Variants in NFATC3 observed in about 807,000 individuals in gnomAD.
NFATC3 encodes the protein nuclear factor of activated T cells 3.
Under a neutral mutation model 98.6 loss-of-function variants are expected in NFATC3, and 46 were observed. The ratio of observed to expected loss-of-function variants is 0.47; its 90% confidence interval spans 0.37 to 0.60. The LOEUF is 0.60. NFATC3 is among the 20% of genes least tolerant of loss of function. The pLI, the probability that NFATC3 is intolerant of heterozygous loss-of-function variation, is 0.00. For missense variants in NFATC3, 1,256 were observed against 1,295.5 expected, an observed-to-expected ratio of 0.97 and a Z score of 0.47; for synonymous variants, 512 against 472.2, an observed-to-expected ratio of 1.08 and a Z score of -1.09.
In NFATC3 at chr16:68,085,520, G is replaced by C; in HGVS notation, c.-162G>C. On this transcript the variant is annotated 5_prime_UTR_variant, in exon 1 of 10. Coordinates refer to ENST00000346183, the MANE Select transcript of NFATC3 (RefSeq NM_173165.3). ...CGGCGCGCGGCCAGCTTTCGGAACG[G>C]AACGCTCGGCGTCGCGGGCCCCGCC... 1.7e-6 allele frequency: 1 copy of C among 582,180 alleles called. No individual in the cohort carries two copies. 36.1% of individuals were successfully genotyped at this position (582,180 alleles called of 1,614,324 possible).
intron 9 of NFATC3, among the ~76,000 whole-genome samples, chr16:68,219,300 T>C (rs976559232): frequency 2.6e-5 from 4 of 152,032 alleles, no homozygotes; most frequent in Admixed American, 2.6e-4. Flanking sequence ...GGAGAATTGC[T>C]TGAACCCGGG....
chr16:68,225,594 A>T (rs1282858362), intron 9 of NFATC3: 1 of 152,220 alleles, frequency 6.6e-6, no homozygotes, highest in Non-Finnish European at 1.5e-5. Flanking sequence ...GCTATTATTA[A>T]TAATGCTGCT....
intron 9 of NFATC3, among the ~76,000 whole-genome samples, chr16:68,207,956 T>C (rs572253406): frequency 6.6e-6 from 1 of 152,340 alleles, no homozygotes; most frequent in Non-Finnish European, 1.5e-5. Context: ...CATTTCCCTA[T>C]TGACTAATGG....
intron 5 of NFATC3, among the ~76,000 whole-genome samples, chr16:68,167,616 T>G (rs2039255620): frequency 1.3e-5 from 2 of 152,044 alleles, no homozygotes; most frequent in Admixed American, 6.6e-5. Context: ...AGACTAATAC[T>G]TGATCTTTAG....
intron 8 of NFATC3, among the ~76,000 whole-genome samples, chr16:68,186,429 G>C (rs905333902): frequency 6.6e-6 from 1 of 151,868 alleles, no homozygotes; most frequent in Non-Finnish European, 1.5e-5. Context: ...AGTCCCAGCT[G>C]CTGGGGAGGC....
chr16:68,208,316 A>G (rs2041233955), intron 9 of NFATC3, among the ~76,000 whole-genome samples: 1 of 152,180 alleles, frequency 6.6e-6, no homozygotes, highest in Non-Finnish European at 1.5e-5. Context: ...GGTTATAGGC[A>G]TGAGCCACCA....
Position 68,085,826 on chromosome 16 carries a change from C to G in NFATC3, c.103+42C>G. 3 of 1,353,954 alleles carry G rather than the reference C, an allele frequency of 2.2e-6. No individual in the cohort carries two copies. The South Asian group carries it at 4.8e-5, about 22-fold the overall frequency. The allele number at this position is 1,353,954 out of a possible 1,614,324, so 83.9% of individuals were successfully genotyped here. A position where few individuals can be genotyped will look rare whatever the true frequency, so the allele number is the denominator to read the frequency against. On this transcript the variant is annotated intron_variant, in intron 1 of 9. Transcript: ENST00000346183. Reference sequence around the variant, plus strand: ...GCGGGACCGTGGAGCGACCCCGCTTCTCGCTCGCAGGATCTCTCGCTCCCT... The same window carrying G: ...GCGGGACCGTGGAGCGACCCCGCTTGTCGCTCGCAGGATCTCTCGCTCCCT...
intron 3 of NFATC3, among the ~76,000 whole-genome samples, chr16:68,137,760 C>A (rs1357513099): frequency 6.6e-6 from 1 of 151,816 alleles, no homozygotes; most frequent in East Asian, 1.9e-4. Flanking sequence ...ACTACAGGTG[C>A]CCGCCACCAC....
intron 9 of NFATC3, among the ~76,000 whole-genome samples, chr16:68,217,388 G>T (rs752964260): frequency 1.4e-5 from 2 of 143,484 alleles, no homozygotes; most frequent in African/African-American, 5.2e-5. Flanking sequence ...CCAAGATCAC[G>T]CCACTGCACT....
chr16:68,140,181 G>A (rs192015365), intron 3 of NFATC3, among the ~76,000 whole-genome samples: 1 of 152,184 alleles, frequency 6.6e-6, no homozygotes, highest in East Asian at 1.9e-4. Flanking sequence ...TGTATTTTTA[G>A]TAGAGACAGG....
Position 68,191,503 on chromosome 16 carries a change from C to T in NFATC3, c.2834C>T (p.Pro945Leu), listed in dbSNP as rs2040413397. Residue 945 changes from proline to leucine, a missense_variant, in exon 9 of 10, where the codon CCT becomes CTT. Coordinates refer to ENST00000346183, the MANE Select transcript of NFATC3 (RefSeq NM_173165.3). Reference protein sequence around the residue: ...ASSPLSGPPSPQLQPMPYQSP... With the variant: ...ASSPLSGPPSLQLQPMPYQSP... ...TCACCGCTTTCTGGGCCACCATCTC[C>T]TCAGCTTCAGCCTATGCCTTACCAA... is the stretch of plus-strand genomic sequence containing the variant. The T allele has an allele frequency of 6.2e-7, 1 of 1,614,144 alleles. No individual in the cohort carries two copies. Among genetic ancestry groups the T allele is most frequent in the Non-Finnish European group, 8.5e-7 (1 of 1,180,038 alleles).
chr16:68,206,577 A>G (rs2041153469), intron 9 of NFATC3, among the ~76,000 whole-genome samples: 1 of 152,242 alleles, frequency 6.6e-6, no homozygotes, highest in Non-Finnish European at 1.5e-5. Context: ...CGGAGGAATA[A>G]TCTATTGGAA....
Position 68,206,419 on chromosome 16 carries a change from C to T in NFATC3, c.3106+14644C>T, listed in dbSNP as rs191501603. Among the ~76,000 whole-genome samples the T allele has an allele frequency of 5.3e-5, 8 of 152,294 alleles. No individual in the cohort carries two copies. The East Asian group carries it at 1.5e-3, about 29-fold the overall frequency. ...CATTTCCTTCCCGTCCTCCCAGCCC[C>T]TGGTAACCTGTACTCTGCTTTCTGT... is the stretch of plus-strand genomic sequence containing the variant. On this transcript the variant is annotated intron_variant, in intron 9 of 9. Transcript: ENST00000346183.
chr16:68,157,510 A>C (rs932170327), intron 3 of NFATC3, among the ~76,000 whole-genome samples: 1 of 152,212 alleles, frequency 6.6e-6, no homozygotes, highest in African/African-American at 2.4e-5. Context: ...TATATACCCA[A>C]ATCTTTAGGT....
rs1274868838 is a variant in NFATC3, at chr16:68,101,546, C to T, written c.103+15762C>T. Among the ~76,000 whole-genome samples, 8 of 151,112 alleles carry T rather than the reference C, an allele frequency of 5.3e-5. No homozygotes were observed. The East Asian group carries it at 9.8e-4, about 18-fold the overall frequency. The stretch of plus-strand genomic sequence containing the variant: ...TTGCCCAGGCTGGAGTGCAGTGGCG[C>T]GATCTCGGCTCACTGCAAGCTCCGC... On this transcript the variant is annotated intron_variant, in intron 1 of 9. Coordinates refer to ENST00000346183, the MANE Select transcript of NFATC3 (RefSeq NM_173165.3).
intron 1 of NFATC3, among the ~76,000 whole-genome samples, chr16:68,095,025 C>T (rs1274316457): frequency 1.3e-5 from 2 of 152,180 alleles, no homozygotes; most frequent in South Asian, 2.1e-4. Flanking sequence ...ATGCCTTGGC[C>T]TGAGGATATG....
intron 1 of NFATC3, among the ~76,000 whole-genome samples, chr16:68,095,479 A>T (rs1262085125): frequency 6.7e-6 from 1 of 149,132 alleles, no homozygotes; most frequent in Non-Finnish European, 1.5e-5. Context: ...CATGCCTCCC[A>T]AGTAGCTGGG....
At chr16:68,191,911 ATG>A in intron 9 of NFATC3, 136 bp downstream of exon 9, 2 of 939,244 alleles carry the variant, frequency 2.1e-6, no homozygotes, top group African/African-American at 1.7e-5. Context: ...TTAGAAATAT[ATG>A]TTAATATATA....
At chr16:68,222,121 C>T (rs996420658) in intron 9 of NFATC3, among the ~76,000 whole-genome samples, 1 of 150,662 alleles carries the variant, frequency 6.6e-6, no homozygotes, top group Non-Finnish European at 1.5e-5. Flanking sequence ...GAGACCTCAT[C>T]TCTGCAGAAA....
Sources: allele counts gnomAD v4.1 joint callset (sites outside exome capture counted in the v4.1 genomes callset), GRCh38; gene constraint gnomAD v4.1.1; transcripts MANE v1.5; gene names NCBI Gene and HGNC (gene_info 2026-07-23, HGNC 2026-07-21).